Variants in RUBCNL observed in about 807,000 individuals in gnomAD.
The protein encoded by RUBCNL is rubicon like autophagy enhancer.
A neutral mutation model predicts 69.5 loss-of-function variants in RUBCNL; 62 were observed. The observed-to-expected ratio is 0.89, with a 90% CI of 0.73 to 1.10. The LOEUF is 1.10. Ranked by LOEUF, RUBCNL falls within the 50% of genes least tolerant of loss-of-function variation. The probability of loss-of-function intolerance (pLI) is 0.00; values close to 1 mark genes in which losing one functional copy is unlikely to be tolerated. For missense variants in RUBCNL, 768 were observed against 798.1 expected, an observed-to-expected ratio of 0.96 and a Z score of 0.45; for synonymous variants, 291 against 303.6, an observed-to-expected ratio of 0.96 and a Z score of 0.43.
chr13:46,378,108 A>G lies in RUBCNL; in HGVS notation c.-238-103T>C, dbSNP rs990748077. On this transcript the variant is annotated intron_variant, in intron 1 of 14. Coordinates refer to ENST00000429979, the MANE Select transcript of RUBCNL (RefSeq NM_025113.5). Reference sequence around the variant, plus strand: ...TGTGTTAGTTATTCAGTTAAGAAATATTTTTTTACTGAGCATCTACTACAG... The same window carrying G: ...TGTGTTAGTTATTCAGTTAAGAAATGTTTTTTTACTGAGCATCTACTACAG... 21 of 628,330 alleles carry G rather than the reference A, an allele frequency of 3.3e-5. No individual in the cohort carries two copies. The East Asian group carries it at 3.4e-4, about 10-fold the overall frequency. The allele number at this position is 628,330 out of a possible 1,614,324, so 38.9% of individuals were successfully genotyped here.
At chr13:46,389,026 G>A (rs2049305971), upstream of RUBCNL, among the ~76,000 whole-genome samples, 1 of 152,186 alleles carries the variant, frequency 6.6e-6, no homozygotes, top group South Asian at 2.1e-4. This position sits in a 1 kb window ranked among gnomAD's most constrained non-coding sequence, Gnocchi z 4.2. Context: ...CAGGAATTCA[G>A]GTCAGCTGAA....
At position 46,368,135 on chromosome 13, in the gene RUBCNL, G is replaced by C. The variant is rs767581575; in HGVS notation, c.733C>G (p.Leu245Val). ...ESWSKEVSGL[L>V]GSDQPDSEMT... The stretch of plus-strand genomic sequence containing the variant: ...TCAGAGTCAGGCTGATCACTCCCAA[G>C]TAACCCACTGACTTCTTTACTCCAG... The change falls in exon 5 of 15, where the codon CTT becomes GTT. Residue 245 changes from leucine to valine, a missense_variant. Leu to Val is a conservative substitution (Grantham distance 32, BLOSUM62 1). Transcript: ENST00000429979. The C allele has an allele frequency of 4.6e-5, 74 of 1,613,836 alleles. No homozygotes were observed. The highest frequency in any genetic ancestry group is 1.3e-5 in the Non-Finnish European group (15 of 1,179,888).
intron 12 of RUBCNL, 87 bp downstream of exon 12, chr13:46,349,199 T>G (rs2048314843): frequency 8.8e-7 from 1 of 1,141,168 alleles, no homozygotes; most frequent in East Asian, 2.4e-5. Context: ...AGAAGCCCTG[T>G]GTAATGGGGG....
intron 10 of RUBCNL, among the ~76,000 whole-genome samples, chr13:46,352,532 C>T (rs1247213248): frequency 8.5e-5 from 13 of 152,112 alleles, no homozygotes. Context: ...TGGCCGGGTG[C>T]GGTGGCTCAC....
chr13:46,343,547 A>G, intron 14 of RUBCNL, 50 bp from the exon 15 acceptor site: 1 of 1,571,432 alleles, frequency 6.4e-7, no homozygotes, highest in Non-Finnish European at 8.7e-7. Context: ...TTGTTTTCTC[A>G]CATTTCTGCA....
chr13:46,350,539 T>G (rs2048349067), intron 10 of RUBCNL, 188 bp from the exon 11 acceptor site: 1 of 540,482 alleles, frequency 1.9e-6, no homozygotes. Flanking sequence ...ATCATGGCCA[T>G]TCATGAGCTC....
chr13:46,373,083 G>C (rs2048914619), intron 2 of RUBCNL, among the ~76,000 whole-genome samples: 1 of 151,550 alleles, frequency 6.6e-6, no homozygotes. Context: ...AAGCTATTCT[G>C]GTGCCTCAGC....
intron 5 of RUBCNL, among the ~76,000 whole-genome samples, chr13:46,367,767 T>G (rs139713809): frequency 1.3e-5 from 2 of 152,186 alleles, no homozygotes; most frequent in African/African-American, 2.4e-5. Flanking sequence ...AGTAGGATGA[T>G]GAACTCCCAC....
At chr13:46,346,517 G>A (rs2048249509) in intron 12 of RUBCNL, among the ~76,000 whole-genome samples, 1 of 152,084 alleles carries the variant, frequency 6.6e-6, no homozygotes, top group Admixed American at 6.6e-5. Flanking sequence ...CATCCCCCTG[G>A]ACTTAATACA....
intron 9 of RUBCNL, among the ~76,000 whole-genome samples, chr13:46,358,295 G>A (rs575744842): frequency 2.8e-4 from 43 of 152,266 alleles, no homozygotes; most frequent in African/African-American, 8.7e-4. Context: ...AACCCTCACC[G>A]GTCCCTTTGT....
chr13:46,349,990 C>T (rs1326654460), intron 11 of RUBCNL, 123 bp downstream of exon 11: 2 of 756,070 alleles, frequency 2.6e-6, no homozygotes, highest in African/African-American at 3.5e-5. Context: ...AGCCGCTTCA[C>T]TCGCTTTATG....
intron 13 of RUBCNL, 135 bp downstream of exon 13, chr13:46,345,312 C>T: frequency 3.8e-6 from 4 of 1,060,366 alleles, no homozygotes; most frequent in Non-Finnish European, 5.3e-6. Flanking sequence ...ACAGCTCTGA[C>T]CTCAGTTTTC....
intron 1 of RUBCNL, among the ~76,000 whole-genome samples, chr13:46,382,906 TA>T (rs1233039170): frequency 6.6e-6 from 1 of 152,150 alleles, no homozygotes; most frequent in African/African-American, 2.4e-5. Context: ...ATAAACAAGG[TA>T]AAAAAAGTTA....
intron 2 of RUBCNL, among the ~76,000 whole-genome samples, chr13:46,373,410 T>C (rs918508868): frequency 6.6e-6 from 1 of 152,240 alleles, no homozygotes; most frequent in East Asian, 1.9e-4. Context: ...TTCATACTTA[T>C]AATATCAGTA....
rs1220696535 is a variant in RUBCNL, at chr13:46,338,481, T to TACC, written c.*4903_*4904insGGT. ...GACCTGAGCAGCCCTAAAAGTGGGG[T>TACC]TGAGACCACAGGGCAGGGGATTCTG... is the stretch of plus-strand genomic sequence containing the variant. On this transcript the variant is annotated 3_prime_UTR_variant, in exon 15 of 15. Coordinates refer to ENST00000429979, the MANE Select transcript of RUBCNL (RefSeq NM_025113.5). Among the ~76,000 whole-genome samples the TACC allele has an allele frequency of 1.4e-4, 22 of 151,992 alleles. No homozygotes were observed. Among genetic ancestry groups the TACC allele is most frequent in the South Asian group, 4.1e-4 (2 of 4,822 alleles).
In RUBCNL at chr13:46,359,624, T is replaced by C. The variant is rs771709271; in HGVS notation, c.1127A>G (p.Asn376Ser). 1.0e-5 allele frequency: 16 copies of C among 1,588,108 alleles called. No individual in the cohort carries two copies. In the East Asian group the frequency reaches 3.6e-4, roughly 36 times the overall value. The part of the protein sequence containing the change: ...SLSAAGSIVV[N>S]EECVRKDFES... ...AAAGTCTTTTCGGACACACTCTTCA[T>C]TTACGACCTGCATAAGACATAAAAT... The change falls in exon 9 of 15, where the codon AAT becomes AGT. Residue 376 changes from asparagine to serine, a missense_variant. Transcript: ENST00000429979.
intron 2 of RUBCNL, among the ~76,000 whole-genome samples, chr13:46,376,431 C>T (rs1229236355): frequency 6.6e-6 from 1 of 151,994 alleles, no homozygotes; most frequent in Non-Finnish European, 1.5e-5. Context: ...ACAAAAGCCC[C>T]AAATCACCAT....
At position 46,373,653 on chromosome 13, in the gene RUBCNL, T is replaced by C. The variant is rs187777068; in HGVS notation, c.-122-1056A>G. Among the ~76,000 whole-genome samples, 40 of 152,350 alleles carry C rather than the reference T, an allele frequency of 2.6e-4. No homozygotes were observed. The East Asian group carries it at 6.6e-3, about 25-fold the overall frequency. ...TGCATTGTGAAGCTAAAAGCAACTT[T>C]CAACAGCAAAAAGCAAGAAGAGACA... On this transcript the variant is annotated intron_variant, in intron 2 of 14. Transcript: ENST00000429979.
intron 14 of RUBCNL, among the ~76,000 whole-genome samples, chr13:46,344,326 A>C (rs1464904026): frequency 6.6e-6 from 1 of 152,206 alleles, no homozygotes; most frequent in Non-Finnish European, 1.5e-5. Context: ...TTCTGTAAAG[A>C]GCCAGATAGC....
Sources: allele counts gnomAD v4.1 joint callset (sites outside exome capture counted in the v4.1 genomes callset), GRCh38; gene constraint gnomAD v4.1.1; non-coding constraint Gnocchi (gnomAD v3.1); transcripts MANE v1.5; gene names NCBI Gene and HGNC (gene_info 2026-07-23, HGNC 2026-07-21).